Variants in SYCP1 observed in about 807,000 individuals in gnomAD.
SYCP1 encodes the protein cancer/testis antigen 8.
A neutral mutation model predicts 153.1 loss-of-function variants in SYCP1; 64 were observed. The observed-to-expected ratio is 0.42, with a 90% CI of 0.34 to 0.51. The LOEUF is 0.51. Ranked by LOEUF, SYCP1 falls within the 20% of genes least tolerant of loss-of-function variation. The probability of loss-of-function intolerance (pLI) is 0.06; values close to 1 mark genes in which losing one functional copy is unlikely to be tolerated. For missense variants in SYCP1, 997 were observed against 1,049.0 expected (o/e 0.95, Z 0.68); for synonymous variants, 384 against 341.8 (o/e 1.12, Z -1.36).
chr1:114,877,312 T>C lies in SYCP1; in HGVS notation c.801+502T>C, dbSNP rs1444194524. Among the ~76,000 whole-genome samples, 3 of 152,206 alleles carry C rather than the reference T, an allele frequency of 2.0e-5. No individual in the cohort carries two copies. In the East Asian group the frequency reaches 5.8e-4, roughly 29 times the overall value. ...GTGGAAGACTTGAAAATGTTAACTC[T>C]ATATCCTTTGGCATTCACAAGAATG... On this transcript the variant is annotated intron_variant, in intron 11 of 31. Coordinates refer to ENST00000369522, the MANE Select transcript of SYCP1 (RefSeq NM_003176.4).
chr1:114,955,356 A>T (rs561338113), intron 27 of SYCP1, among the ~76,000 whole-genome samples: 6 of 152,276 alleles, frequency 3.9e-5, no homozygotes, highest in Admixed American at 2.0e-4. Context: ...ATATAAGTTC[A>T]TGAGAAATAT....
rs1298227031 is a variant in SYCP1, at chr1:114,856,624, A to G, written c.160A>G (p.Asn54Asp). ...DDFEFPFAKTNLSKNGENIDS... is the reference protein window; with the variant it reads ...DDFEFPFAKTDLSKNGENIDS... ...TTTTGAGTTTCCATTTGCAAAGACT[A>G]ATCTCTCCAAAAATGGGGAAAACAT... Residue 54 changes from asparagine to aspartate, a missense_variant, in exon 3 of 32, where the codon AAT (asparagine) becomes GAT (aspartate). Physicochemically the swap from Asn to Asp is conservative, Grantham distance 23. Transcript: ENST00000369522. The G allele has an allele frequency of 6.2e-7, 1 of 1,612,278 alleles. No individual in the cohort carries two copies. The highest frequency in any genetic ancestry group is 1.3e-5 in the African/African-American group (1 of 74,854).
At chr1:114,908,166 C>T (rs1303235187) in intron 16 of SYCP1, among the ~76,000 whole-genome samples, 1 of 143,588 alleles carries the variant, frequency 7.0e-6, no homozygotes, top group Non-Finnish European at 1.5e-5. Context: ...TTTATTTACT[C>T]TTCATTCTGG....
intron 30 of SYCP1, among the ~76,000 whole-genome samples, chr1:114,986,924 C>T (rs2101969825): frequency 6.6e-6 from 1 of 152,118 alleles, no homozygotes; most frequent in East Asian, 1.9e-4. Flanking sequence ...CCCCAGCCTA[C>T]AGTCCTGTGT....
Position 114,981,047 on chromosome 1 carries a change from T to C in SYCP1, c.2383-289T>C, listed in dbSNP as rs548982062. On this transcript the variant is annotated intron_variant, in intron 28 of 31. Transcript: ENST00000369522. ...AGTCCATGTGGTATTTGGCTTTCTG[T>C]TCCTGCATTAGTTTGCTAAGAATAA... Among the ~76,000 whole-genome samples, 16 of 152,082 alleles carry C rather than the reference T, an allele frequency of 1.1e-4. No individual in the cohort carries two copies. In the South Asian group the frequency reaches 2.9e-3, roughly 28 times the overall value.
intron 30 of SYCP1, among the ~76,000 whole-genome samples, chr1:114,992,555 T>G (rs1373626738): frequency 6.6e-6 from 1 of 151,632 alleles, no homozygotes; most frequent in Non-Finnish European, 1.5e-5. Flanking sequence ...AGGAACATTT[T>G]TTTCAACATA....
chr1:114,957,273 T>G (rs1029004037), intron 27 of SYCP1, among the ~76,000 whole-genome samples: 2 of 152,192 alleles, frequency 1.3e-5, no homozygotes, highest in Non-Finnish European at 2.9e-5. Flanking sequence ...TTGCCTAAAC[T>G]GGTCTTGAAC....
At chr1:114,989,883 AACAG>A (rs1673802447) in intron 30 of SYCP1, among the ~76,000 whole-genome samples, 1 of 152,014 alleles carries the variant, frequency 6.6e-6, no homozygotes. Context: ...TGAAGGGAGA[AACAG>A]ACAGTTCTAA....
chr1:114,888,524 C>CT (rs1666466627), intron 15 of SYCP1, among the ~76,000 whole-genome samples: 2 of 151,634 alleles, frequency 1.3e-5, no homozygotes, highest in Admixed American at 1.3e-4. Context: ...TTCTGTGAGG[C>CT]TTAATTTTCC....
chr1:114,906,572 T>A (rs1021946685), intron 16 of SYCP1, among the ~76,000 whole-genome samples: 9 of 152,192 alleles, frequency 5.9e-5, no homozygotes, highest in African/African-American at 1.9e-4. Context: ...CTCATTTAGT[T>A]TAAAATAGTT....
intron 3 of SYCP1, 65 bp from the exon 4 acceptor site, chr1:114,857,167 G>GAAAAAAAAAAAA: frequency 1.8e-6 from 1 of 558,546 alleles, no homozygotes; most frequent in South Asian, 3.3e-5. Context: ...AGAGAAAAAA[G>GAAAAAAAAAAAA]AAAAAAAAAA....
chr1:114,977,503 T>C (rs1285455674), intron 27 of SYCP1, 54 bp from the exon 28 acceptor site: 24 of 1,076,486 alleles, frequency 2.2e-5, no homozygotes, highest in Non-Finnish European at 3.0e-5. Flanking sequence ...ATAATATTCA[T>C]TTGTGATCAT....
At chr1:114,911,246 GT>G (rs1668156324) in intron 17 of SYCP1, among the ~76,000 whole-genome samples, 1 of 151,792 alleles carries the variant, frequency 6.6e-6, no homozygotes, top group Non-Finnish European at 1.5e-5. Flanking sequence ...GCATATAAAT[GT>G]TTTTCTGGTT....
Position 114,957,297 on chromosome 1 carries a change from A to G in SYCP1, c.2322+9977A>G, listed in dbSNP as rs190774839. 1.2e-4 allele frequency among the ~76,000 whole-genome samples: 18 copies of G among 152,296 alleles called. 1 individual carries two copies. In the Middle Eastern group the frequency reaches 0.01, roughly 86 times the overall value. Reference sequence around the variant, plus strand: ...CTGGTCTTGAACTCCTTAAGTAAACATTAAGTTTACTTAGATGTAAGACCT... The same window carrying G: ...CTGGTCTTGAACTCCTTAAGTAAACGTTAAGTTTACTTAGATGTAAGACCT... On this transcript the variant is annotated intron_variant, in intron 27 of 31. Transcript: ENST00000369522.
intron 27 of SYCP1, among the ~76,000 whole-genome samples, chr1:114,957,266 CCTA>C (rs1216783935): frequency 1.3e-5 from 2 of 152,058 alleles, no homozygotes; most frequent in Non-Finnish European, 2.9e-5. Context: ...TGCTATGTTG[CCTA>C]AACTGGTCTT....
At position 114,994,798 on chromosome 1, in the gene SYCP1, A is replaced by C. The variant is rs752378826; in HGVS notation, c.2793+11A>C. 4.4e-6 allele frequency: 7 copies of C among 1,580,460 alleles called. No individual in the cohort carries two copies. In the South Asian group the frequency reaches 7.1e-5, roughly 16 times the overall value. On this transcript the variant is annotated intron_variant, in intron 31 of 31. Transcript: ENST00000369522. ...AAAACACCAAAAAAGGTAGCTTTTAAATTTTATTTCAGAAAGCAAATTTTA... is the reference window on the plus strand; with the variant it reads ...AAAACACCAAAAAAGGTAGCTTTTACATTTTATTTCAGAAAGCAAATTTTA...
In SYCP1 at chr1:114,960,199, G is replaced by T. The variant is rs557414440; in HGVS notation, c.2322+12879G>T. Among the ~76,000 whole-genome samples the T allele has an allele frequency of 5.1e-4, 53 of 104,226 alleles. 1 individual carries two copies. In the South Asian group the frequency reaches 0.016, roughly 31 times the overall value. 68.4% of individuals were successfully genotyped at this position (104,226 alleles called of 152,430 possible). On this transcript the variant is annotated intron_variant, in intron 27 of 31. Transcript: ENST00000369522. ...TTTTTTTTTTTTGAGATGGAGTCTT[G>T]CTCTGTTGCCCATGCTGGAGTGCAG...
intron 28 of SYCP1, among the ~76,000 whole-genome samples, chr1:114,979,339 T>C (rs1263578709): frequency 1.3e-5 from 2 of 151,874 alleles, no homozygotes; most frequent in South Asian, 4.1e-4. Context: ...TTTAAAATAG[T>C]GCTTGGGACA....
intron 20 of SYCP1, among the ~76,000 whole-genome samples, chr1:114,919,890 C>G (rs1028807036): frequency 2.6e-5 from 4 of 151,834 alleles, no homozygotes; most frequent in Non-Finnish European, 2.9e-5. Context: ...GGTCTTCTCT[C>G]TTTTTTTCTT....
Sources: allele counts gnomAD v4.1 joint callset (sites outside exome capture counted in the v4.1 genomes callset), GRCh38; gene constraint gnomAD v4.1.1; transcripts MANE v1.5; gene names NCBI Gene and HGNC (gene_info 2026-07-23, HGNC 2026-07-21).